Variants in RETREG1 observed in about 807,000 individuals in gnomAD.
The protein encoded by RETREG1 is family with sequence similarity 134 member B.
In RETREG1, 44 loss-of-function variants were observed where a neutral mutation model predicts 54.8. The ratio of observed to expected loss-of-function variants is 0.80; its 90% CI spans 0.63 to 1.03. RETREG1 has a LOEUF of 1.03. Among genes scored for constraint, RETREG1 ranks in the 50% least tolerant of loss-of-function variants. The pLI, the probability that RETREG1 is intolerant of heterozygous loss-of-function variation, is 0.00. For missense variants in RETREG1, 554 were observed against 605.1 expected (o/e 0.92, Z 0.89); for synonymous variants, 217 against 238.5 (o/e 0.91, Z 0.83).
intron 3 of RETREG1, among the ~76,000 whole-genome samples, chr5:16,563,620 T>A (rs542278659): frequency 6.6e-6 from 1 of 152,134 alleles, no homozygotes; most frequent in South Asian, 2.1e-4. Flanking sequence ...GCTCACCCTA[T>A]CCCAGTTCCT....
chr5:16,526,285 A>T (rs1349712395), intron 3 of RETREG1, among the ~76,000 whole-genome samples: 2 of 152,234 alleles, frequency 1.3e-5, no homozygotes, highest in Non-Finnish European at 2.9e-5. Flanking sequence ...GAAAATCTCG[A>T]GTCTCATTTG....
At chr5:16,485,256 A>G (rs1251437504) in intron 3 of RETREG1, among the ~76,000 whole-genome samples, 1 of 152,214 alleles carries the variant, frequency 6.6e-6, no homozygotes, top group Non-Finnish European at 1.5e-5. Flanking sequence ...CTCTCTATGC[A>G]TATTGAATAA....
intron 1 of RETREG1, among the ~76,000 whole-genome samples, chr5:16,577,506 C>A (rs1336120294): frequency 6.6e-6 from 1 of 152,124 alleles, no homozygotes. Context: ...TAACGAGAAA[C>A]TTCCCCTCAT....
At position 16,616,657 on chromosome 5, in the gene RETREG1, C is replaced by CA; in HGVS notation, c.314dup (p.Phe106ValfsTer35). ...CACCTTGCCCAAGCTCTCACCAGAA[C>CA]AGCAGGTTGGCAGCGACGAAGCCGA... On this transcript the variant is annotated frameshift_variant, in exon 1 of 9. Transcript: ENST00000306320. LOFTEE classifies it high-confidence loss of function. 1.3e-6 allele frequency: 2 copies of CA among 1,594,886 alleles called. No individual in the cohort carries two copies. Among genetic ancestry groups the CA allele is most frequent in the Non-Finnish European group, 1.7e-6 (2 of 1,176,622 alleles).
intron 3 of RETREG1, among the ~76,000 whole-genome samples, chr5:16,535,456 G>A (rs753085178): frequency 4.6e-5 from 7 of 151,096 alleles, no homozygotes; most frequent in African/African-American, 9.7e-5. Flanking sequence ...CCATGCGTGC[G>A]CCTTTGCAGA....
At position 16,544,187 on chromosome 5, in the gene RETREG1, G is replaced by A. The variant is rs189376714; in HGVS notation, c.458+21576C>T. On this transcript the variant is annotated intron_variant, in intron 3 of 8. Coordinates refer to ENST00000306320, the MANE Select transcript of RETREG1 (RefSeq NM_001034850.3). The stretch of plus-strand genomic sequence containing the variant: ...GACGGGGTTTTGCCGTGTTGGCCAG[G>A]CTGGTCTCCAACTCCTGACCTCAGG... Among the ~76,000 whole-genome samples, 90 of 152,108 alleles carry A rather than the reference G, an allele frequency of 5.9e-4. No homozygotes were observed. The East Asian group carries it at 0.013, about 22-fold the overall frequency.
In RETREG1 at chr5:16,475,044, G is replaced by A. The variant is rs1273220567; in HGVS notation, c.1191C>T (p.Thr397=). The change falls in exon 9 of 9, where the codon ACC becomes ACT. Residue 397 remains threonine, a synonymous_variant. Coordinates refer to ENST00000306320, the MANE Select transcript of RETREG1 (RefSeq NM_001034850.3). The part of the protein sequence containing the change: ...SKETQSAAGL[T]LPLNSDQTFH... ...AGGTTTGGTCACTGTTCAGAGGAAG[G>A]GTGAGACCAGCTGCTGATTGCGTCT... 1.9e-6 allele frequency: 3 copies of A among 1,613,722 alleles called. No individual in the cohort carries two copies. In the African/African-American group the frequency reaches 4.0e-5, roughly 22 times the overall value.
intron 3 of RETREG1, among the ~76,000 whole-genome samples, chr5:16,497,755 C>T (rs1739525772): frequency 6.6e-6 from 1 of 152,198 alleles, no homozygotes; most frequent in Non-Finnish European, 1.5e-5. Flanking sequence ...TCACAGCACT[C>T]TTTCCAGAAA....
rs1419091040 is a variant in RETREG1, at chr5:16,585,432, T to C, written c.321-13330A>G. 6.6e-6 allele frequency among the ~76,000 whole-genome samples: 1 copy of C among 152,086 alleles called. No homozygotes were observed. The highest frequency in any genetic ancestry group is 1.5e-5 in the Non-Finnish European group (1 of 68,006). ...TGCACTGGAATTATGAGAAAAGCCATGGGTAAATCAAGTCAGGGGCACCCT... is the reference window on the plus strand; with the variant it reads ...TGCACTGGAATTATGAGAAAAGCCACGGGTAAATCAAGTCAGGGGCACCCT... On this transcript the variant is annotated intron_variant, in intron 1 of 8. Transcript: ENST00000306320. The surrounding 1 kb of genome is among the most constrained non-coding windows in gnomAD (Gnocchi z 4.5).
intron 5 of RETREG1, among the ~76,000 whole-genome samples, 175 bp downstream of exon 5, chr5:16,480,834 A>T (rs1452302307): frequency 6.6e-6 from 1 of 152,090 alleles, no homozygotes; most frequent in Non-Finnish European, 1.5e-5. Context: ...TCCAATTTTA[A>T]AATAGAGACA....
chr5:16,589,820 G>T (rs1350799996), intron 1 of RETREG1, among the ~76,000 whole-genome samples: 1 of 152,198 alleles, frequency 6.6e-6, no homozygotes, highest in Admixed American at 6.5e-5. Flanking sequence ...CCAATACTAA[G>T]TATCAGGAAA....
Position 16,488,811 on chromosome 5 carries a change from G to A in RETREG1, c.459-5339C>T, listed in dbSNP as rs549299288. ...CTTAAAAGCAGACCTTAGGCCGGGC[G>A]TGGTGGCTCACGCCTATAATCCCAG... On this transcript the variant is annotated intron_variant, in intron 3 of 8. Coordinates refer to ENST00000306320, the MANE Select transcript of RETREG1 (RefSeq NM_001034850.3). Among the ~76,000 whole-genome samples, 41 of 152,152 alleles carry A rather than the reference G, an allele frequency of 2.7e-4. 1 individual carries two copies. Among genetic ancestry groups the A allele is most frequent in the African/African-American group, 9.4e-4 (39 of 41,522 alleles).
At chr5:16,534,666 C>T (rs1478322997) in intron 3 of RETREG1, among the ~76,000 whole-genome samples, 2 of 152,240 alleles carry the variant, frequency 1.3e-5, no homozygotes, top group South Asian at 2.1e-4. Context: ...CTGCCATGTT[C>T]CTTTTCTGAG....
intron 5 of RETREG1, among the ~76,000 whole-genome samples, chr5:16,479,982 G>A (rs1383048116): frequency 6.6e-6 from 1 of 151,980 alleles, no homozygotes; most frequent in Non-Finnish European, 1.5e-5. Context: ...GGTCATTGAT[G>A]TATAATAAAA....
intron 1 of RETREG1, among the ~76,000 whole-genome samples, chr5:16,595,848 A>C (rs964478828): frequency 1.3e-5 from 2 of 152,146 alleles, no homozygotes; most frequent in Non-Finnish European, 2.9e-5. Context: ...TTACGAGGAG[A>C]TCTGTCAATA....
At chr5:16,598,623 C>T (rs1258529911) in intron 1 of RETREG1, among the ~76,000 whole-genome samples, 1 of 152,222 alleles carries the variant, frequency 6.6e-6, no homozygotes, top group Non-Finnish European at 1.5e-5. Context: ...CCCATAGTAG[C>T]AGCAGCCTGG....
At chr5:16,576,770 C>T (rs1272116369) in intron 1 of RETREG1, among the ~76,000 whole-genome samples, 1 of 152,108 alleles carries the variant, frequency 6.6e-6, no homozygotes, top group Non-Finnish European at 1.5e-5. Flanking sequence ...GCACGAGCCA[C>T]CGCGCCCGGC....
At chr5:16,605,739 G>A (rs1460589315) in intron 1 of RETREG1, among the ~76,000 whole-genome samples, 1 of 152,162 alleles carries the variant, frequency 6.6e-6, no homozygotes, top group African/African-American at 2.4e-5. Flanking sequence ...TTGGCATCTG[G>A]TGAGGGCTCA....
At chr5:16,616,446 G>A in intron 1 of RETREG1, 1 of 939,040 alleles carries the variant, frequency 1.1e-6, no homozygotes, top group Non-Finnish European at 1.5e-6. Context: ...CACGGAGAAC[G>A]ACAACTGCTC....
Sources: allele counts gnomAD v4.1 joint callset (sites outside exome capture counted in the v4.1 genomes callset), GRCh38; gene constraint gnomAD v4.1.1; non-coding constraint Gnocchi (gnomAD v3.1); transcripts MANE v1.5; gene names NCBI Gene and HGNC (gene_info 2026-07-23, HGNC 2026-07-21).